Variants in ADAMTS6 observed in about 807,000 individuals in gnomAD.
ADAMTS6 encodes the protein ADAM metallopeptidase with thrombospondin type 1 motif 6.
ADAMTS6 carries 23 observed loss-of-function variants against 144.3 expected under a neutral mutation model. That is an observed-to-expected ratio of 0.16 (90% CI 0.11 to 0.23). The LOEUF (loss-of-function observed/expected upper bound fraction) is 0.23, where lower values mean the gene tolerates loss of function less well. Ranked by LOEUF, ADAMTS6 falls within the 10% of genes least tolerant of loss-of-function variation. The probability of loss-of-function intolerance (pLI) is 1.00; values close to 1 mark genes in which losing one functional copy is unlikely to be tolerated. For missense variants in ADAMTS6, 999 were observed against 1,379.6 expected (o/e 0.72, Z 4.37); for synonymous variants, 444 against 457.5 (o/e 0.97, Z 0.38).
chr5:65,419,778 C>T (rs759974784), intron 7 of ADAMTS6, among the ~76,000 whole-genome samples: 1 of 152,100 alleles, frequency 6.6e-6, no homozygotes, highest in Non-Finnish European at 1.5e-5. Context: ...AGGAAATGTC[C>T]ACAATATGCA....
At chr5:65,205,511 T>A (rs565477975) in intron 20 of ADAMTS6, among the ~76,000 whole-genome samples, 125 of 152,334 alleles carry the variant, frequency 8.2e-4, no homozygotes, top group African/African-American at 2.7e-3. Flanking sequence ...ATTACTTTTT[T>A]AAATAATTTA....
At chr5:65,196,265 G>A (rs374549632) in intron 21 of ADAMTS6, among the ~76,000 whole-genome samples, 30 of 152,102 alleles carry the variant, frequency 2.0e-4, no homozygotes, top group East Asian at 1.4e-3. Flanking sequence ...GGCTGGGCAC[G>A]GTGGCTCATG....
chr5:65,471,603 A>G (rs1270215003), intron 2 of ADAMTS6, among the ~76,000 whole-genome samples: 1 of 151,962 alleles, frequency 6.6e-6, no homozygotes, highest in Non-Finnish European at 1.5e-5. Flanking sequence ...TAAAAATACA[A>G]AAAAATTATC....
At chr5:65,253,310 T>C (rs1170325522) in intron 14 of ADAMTS6, among the ~76,000 whole-genome samples, 1 of 152,258 alleles carries the variant, frequency 6.6e-6, no homozygotes, top group Non-Finnish European at 1.5e-5. Flanking sequence ...TTTGGCTATC[T>C]GACATTATCT....
chr5:65,381,557 T>TC (rs1233628363), intron 7 of ADAMTS6, among the ~76,000 whole-genome samples: 192 of 124,848 alleles, frequency 1.5e-3, no homozygotes, highest in South Asian at 6.6e-3. Context: ...TTTTTTTTTT[T>TC]GTAATTTTAG....
intron 12 of ADAMTS6, among the ~76,000 whole-genome samples, chr5:65,266,675 A>G (rs1334066896): frequency 6.6e-6 from 1 of 151,934 alleles, no homozygotes. Flanking sequence ...TGATTCCAAT[A>G]TGGTTTAGAT....
intron 14 of ADAMTS6, among the ~76,000 whole-genome samples, chr5:65,250,764 G>T (rs1760088462): frequency 6.6e-6 from 1 of 152,062 alleles, no homozygotes; most frequent in Non-Finnish European, 1.5e-5. Context: ...AAAATACAAA[G>T]ATCATTTTGT....
At chr5:65,417,760 T>C (rs974488166) in intron 7 of ADAMTS6, among the ~76,000 whole-genome samples, 1 of 152,154 alleles carries the variant, frequency 6.6e-6, no homozygotes, top group African/African-American at 2.4e-5. Context: ...TCCATAATCA[T>C]AAATTGGAAG....
intron 7 of ADAMTS6, among the ~76,000 whole-genome samples, chr5:65,345,106 T>A (rs984170145): frequency 1.3e-5 from 2 of 151,792 alleles, no homozygotes; most frequent in Non-Finnish European, 3.0e-5. Flanking sequence ...TCTAAAAAAA[T>A]TCCTGGAGCA....
intron 7 of ADAMTS6, among the ~76,000 whole-genome samples, chr5:65,354,309 T>A (rs993765726): frequency 6.6e-6 from 1 of 151,876 alleles, no homozygotes; most frequent in African/African-American, 2.4e-5. Context: ...TACAGAATTA[T>A]CTCATCCCTC....
chr5:65,333,929 T>C, intron 8 of ADAMTS6, 113 bp downstream of exon 8: 1 of 1,109,382 alleles, frequency 9.0e-7, no homozygotes, highest in South Asian at 3.4e-5. Flanking sequence ...GAAAGGAAAA[T>C]GACCAAATTA....
chr5:65,287,284 C>T (rs554286635), intron 11 of ADAMTS6, among the ~76,000 whole-genome samples: 20 of 152,184 alleles, frequency 1.3e-4, no homozygotes, highest in African/African-American at 3.6e-4. Context: ...CCAAAAAAGA[C>T]GGGGACAGGA....
At chr5:65,307,936 T>G (rs1744095148) in intron 9 of ADAMTS6, among the ~76,000 whole-genome samples, 1 of 152,172 alleles carries the variant, frequency 6.6e-6, no homozygotes, top group South Asian at 2.1e-4. Flanking sequence ...GCAGCCTCCC[T>G]TGTTCTCCAA....
At chr5:65,458,680 G>C (rs557298764) in intron 4 of ADAMTS6, among the ~76,000 whole-genome samples, 1 of 152,328 alleles carries the variant, frequency 6.6e-6, no homozygotes, top group East Asian at 1.9e-4. Flanking sequence ...AAAGTGCTGG[G>C]ATTACAGGCG....
intron 15 of ADAMTS6, among the ~76,000 whole-genome samples, chr5:65,226,917 T>C (rs1055193768): frequency 6.6e-6 from 1 of 151,912 alleles, no homozygotes; most frequent in African/African-American, 2.4e-5. Flanking sequence ...CCTAAGAAAA[T>C]AAAATAACCT....
chr5:65,250,239 C>G (rs1447784963), intron 14 of ADAMTS6, among the ~76,000 whole-genome samples: 1 of 152,176 alleles, frequency 6.6e-6, no homozygotes, highest in Admixed American at 6.6e-5. Context: ...AAGTTTCATA[C>G]AGCCTATTTA....
intron 7 of ADAMTS6, among the ~76,000 whole-genome samples, chr5:65,421,536 A>C (rs916633721): frequency 5.9e-5 from 9 of 152,194 alleles, no homozygotes; most frequent in Non-Finnish European, 1.3e-4. Flanking sequence ...GGCTTGAATA[A>C]AGGCTCTTCA....
At chr5:65,304,868 A>C (rs1743777134) in intron 9 of ADAMTS6, among the ~76,000 whole-genome samples, 1 of 152,212 alleles carries the variant, frequency 6.6e-6, no homozygotes, top group South Asian at 2.1e-4. Flanking sequence ...TTCCAGATTA[A>C]ATACTCAAAA....
chr5:65,366,786 C>T (rs1395435381), intron 7 of ADAMTS6, among the ~76,000 whole-genome samples: 1 of 152,092 alleles, frequency 6.6e-6, no homozygotes, highest in African/African-American at 2.4e-5. Flanking sequence ...CAGAGGATAC[C>T]CTCCCGCCAC....
Sources: gnomAD v4.1 joint callset for allele counts (sites outside exome capture counted in the v4.1 genomes callset) on GRCh38, gnomAD v4.1.1 for gene constraint, MANE v1.5 for transcripts, NCBI Gene and HGNC (gene_info 2026-07-23, HGNC 2026-07-21) for gene names.